Variants in SMC5 observed in about 807,000 individuals in gnomAD.
SMC5 encodes structural maintenance of chromosomes protein 5.
A neutral mutation model predicts 148.3 loss-of-function variants in SMC5; 88 were observed. That is an observed-to-expected ratio of 0.59 (90% CI 0.50 to 0.71). The LOEUF (loss-of-function observed/expected upper bound fraction) is 0.71. SMC5 is among the 30% of genes least tolerant of loss of function. The pLI is 0.00. For synonymous variants in SMC5, 421 were observed against 432.8 expected (o/e 0.97, Z 0.34); for missense variants, 1,142 against 1,298.9 (o/e 0.88, Z 1.86).
At chr9:70,272,765 G>A (rs1325113850) in intron 3 of SMC5, among the ~76,000 whole-genome samples, 1 of 152,142 alleles carries the variant, frequency 6.6e-6, no homozygotes, top group Non-Finnish European at 1.5e-5. Flanking sequence ...ATTGAACATA[G>A]GGAAAACTAG....
chr9:70,309,080 G>A (rs929031519), intron 11 of SMC5, among the ~76,000 whole-genome samples: 5 of 151,964 alleles, frequency 3.3e-5, no homozygotes, highest in African/African-American at 9.7e-5. Context: ...TAAAAAATAC[G>A]AACAATCATG....
At chr9:70,278,377 CA>C in intron 4 of SMC5, 113 bp from the exon 5 acceptor site, 1 of 942,066 alleles carries the variant, frequency 1.1e-6, no homozygotes, top group Non-Finnish European at 1.5e-6. Flanking sequence ...GTTTATATCT[CA>C]AATGTTTTTT....
chr9:70,344,748 A>T (rs1212124883), intron 18 of SMC5: 2 of 152,104 alleles, frequency 1.3e-5, no homozygotes, highest in Non-Finnish European at 2.9e-5. Flanking sequence ...AAATTAGGAG[A>T]TGCTGCCCTT....
At chr9:70,279,520 A>G (rs906774173) in intron 5 of SMC5, among the ~76,000 whole-genome samples, 1 of 152,028 alleles carries the variant, frequency 6.6e-6, no homozygotes, top group Non-Finnish European at 1.5e-5. Context: ...CCCTGTGTCA[A>G]AAAAATGGAA....
chr9:70,352,427 G>A lies in SMC5; in HGVS notation c.*96G>A, dbSNP rs1373272295. The stretch of plus-strand genomic sequence containing the variant: ...AAAAGGAGATTCACTAAAACGAAAA[G>A]CAGTTATTTTTGGAAACCTGCTTTT... On this transcript the variant is annotated 3_prime_UTR_variant, in exon 25 of 25. Transcript: ENST00000361138. 5.3e-6 allele frequency: 7 copies of A among 1,319,936 alleles called. No homozygotes were observed. Among genetic ancestry groups the A allele is most frequent in the Non-Finnish European group, 7.2e-6 (7 of 975,604 alleles). The allele number at this position is 1,319,936 out of a possible 1,614,324, so 81.8% of individuals were successfully genotyped here.
intron 8 of SMC5, among the ~76,000 whole-genome samples, chr9:70,295,748 C>T (rs74499391): frequency 0.033 from 4,953 of 152,194 alleles, 109 homozygotes; most frequent in Non-Finnish European, 0.051. Flanking sequence ...CAGACAAAGA[C>T]CTTCTCTTGG....
At chr9:70,327,984 G>A (rs1156588079) in intron 17 of SMC5, among the ~76,000 whole-genome samples, 1 of 152,100 alleles carries the variant, frequency 6.6e-6, no homozygotes, top group African/African-American at 2.4e-5. Flanking sequence ...GTAGGAGAGA[G>A]GATGAGGGGG....
intron 17 of SMC5, among the ~76,000 whole-genome samples, chr9:70,331,241 T>C (rs1393869666): frequency 6.6e-6 from 1 of 152,348 alleles, no homozygotes; most frequent in African/African-American, 2.4e-5. Context: ...TATAGCCACA[T>C]GTGACTGGTT....
chr9:70,276,982 T>C (rs531575942), intron 3 of SMC5, among the ~76,000 whole-genome samples: 10 of 152,296 alleles, frequency 6.6e-5, no homozygotes, highest in African/African-American at 2.4e-4. Context: ...ATGCATGTGA[T>C]TGAAGAATAG....
intron 3 of SMC5, among the ~76,000 whole-genome samples, chr9:70,270,249 T>G (rs2034407827): frequency 6.6e-6 from 1 of 152,184 alleles, no homozygotes; most frequent in Admixed American, 6.5e-5. Flanking sequence ...TTATAAAGGA[T>G]ACTACAGAAG....
At chr9:70,344,827 T>C (rs1163791828) in intron 18 of SMC5, among the ~76,000 whole-genome samples, 1 of 152,120 alleles carries the variant, frequency 6.6e-6, no homozygotes, top group East Asian at 1.9e-4. Flanking sequence ...TAGATACCTA[T>C]TCAGAATAAT....
At chr9:70,271,381 T>C (rs1417090408) in intron 3 of SMC5, among the ~76,000 whole-genome samples, 1 of 152,102 alleles carries the variant, frequency 6.6e-6, no homozygotes, top group Non-Finnish European at 1.5e-5. Context: ...GCCTTGAGAG[T>C]ACCAAATGTA....
At chr9:70,278,733 GA>G (rs762910701) in intron 5 of SMC5, 108 bp downstream of exon 5, 680 of 1,155,958 alleles carry the variant, frequency 5.9e-4, no homozygotes, top group Non-Finnish European at 7.6e-4. Context: ...TCGTATTTGT[GA>G]TTTTTTTTCA....
At chr9:70,318,484 A>G (rs1042905300) in intron 13 of SMC5, 30 bp from the exon 14 acceptor site, 1 of 1,450,826 alleles carries the variant, frequency 6.9e-7, no homozygotes, top group South Asian at 1.4e-5. Context: ...TTTATATTAG[A>G]TGTGCACTAA....
intron 17 of SMC5, among the ~76,000 whole-genome samples, chr9:70,330,548 CTTTTTTT>C (rs71505381): frequency 4.7e-5 from 6 of 128,884 alleles, no homozygotes; most frequent in Non-Finnish European, 8.1e-5. Context: ...ATGTAACTTT[CTTTTTTT>C]TTTTTTTTTT....
intron 8 of SMC5, among the ~76,000 whole-genome samples, chr9:70,287,075 T>A (rs2034924155): frequency 6.6e-6 from 1 of 152,166 alleles, no homozygotes; most frequent in African/African-American, 2.4e-5. Flanking sequence ...TAATCTTGGT[T>A]TATAGCTCCA....
intron 15 of SMC5, 39 bp downstream of exon 15, chr9:70,319,002 C>T (rs2035880379): frequency 6.5e-7 from 1 of 1,534,562 alleles, no homozygotes; most frequent in African/African-American, 1.4e-5. Context: ...GCACAAATTA[C>T]TGTATGGGAG....
intron 9 of SMC5, among the ~76,000 whole-genome samples, chr9:70,299,777 T>C (rs1049717932): frequency 6.6e-6 from 1 of 150,544 alleles, no homozygotes; most frequent in African/African-American, 2.5e-5. Flanking sequence ...AGTGTTTTCC[T>C]TGTGGGTTTT....
rs143517232 is a variant in SMC5, at chr9:70,353,240, G to A, written c.*909G>A. 284 of 152,152 alleles carry A rather than the reference G, an allele frequency of 1.9e-3. No homozygotes were observed. The highest frequency in any genetic ancestry group is 6.6e-3 in the African/African-American group (274 of 41,524). 9.4% of individuals were successfully genotyped at this position (152,152 alleles called of 1,614,324 possible). On this transcript the variant is annotated 3_prime_UTR_variant, in exon 25 of 25. Transcript: ENST00000361138. The stretch of plus-strand genomic sequence containing the variant: ...TTGAAATTTCTCAGTGTTATGTAAA[G>A]AGTGATGGAAAAGCATTGATTTCTT...
Sources: gnomAD v4.1 joint callset for allele counts (sites outside exome capture counted in the v4.1 genomes callset) on GRCh38, gnomAD v4.1.1 for gene constraint, MANE v1.5 for transcripts, NCBI Gene and HGNC (gene_info 2026-07-23, HGNC 2026-07-21) for gene names.